Variants in CES5A observed in about 807,000 individuals in gnomAD.
The protein encoded by CES5A is carboxylesterase 5.
Under a neutral mutation model 62.9 loss-of-function variants are expected in CES5A, and 67 were observed. The ratio of observed to expected loss-of-function variants is 1.07; its 90% CI spans 0.88 to 1.31. The LOEUF (loss-of-function observed/expected upper bound fraction) is 1.31, where lower values mean the gene tolerates loss of function less well. CES5A is among the 50% of genes most tolerant of loss of function. The pLI, the probability that CES5A is intolerant of heterozygous loss-of-function variation, is 0.00. For synonymous variants in CES5A, 296 were observed against 280.8 expected (o/e 1.05, Z -0.54); for missense variants, 748 against 708.5 (o/e 1.06, Z -0.63).
chr16:55,906,445 C>T (rs995260478), intron 1 of CES5A, among the ~76,000 whole-genome samples: 1 of 152,180 alleles, frequency 6.6e-6, no homozygotes, highest in Admixed American at 6.5e-5. Context: ...AAAGATGTCT[C>T]CATTCAGTGA....
In CES5A at chr16:55,955,171, A is replaced by C. The variant is rs892475877; in HGVS notation, c.42+673T>G. Among the ~76,000 whole-genome samples, 10 of 152,288 alleles carry C rather than the reference A, an allele frequency of 6.6e-5. No homozygotes were observed. The East Asian group carries it at 1.7e-3, about 27-fold the overall frequency. On this transcript the variant is annotated intron_variant, in intron 1 of 13. Transcript: ENST00000521992. ...ACACCAAAGAAATCAGAACATGAGA[A>C]CCGCAAGAGGCTACCAAAGTCACTT...
intron 1 of CES5A, among the ~76,000 whole-genome samples, chr16:55,951,961 T>C (rs1002438054): frequency 6.6e-6 from 1 of 152,124 alleles, no homozygotes; most frequent in Non-Finnish European, 1.5e-5. Flanking sequence ...TGTGATCTAA[T>C]AGACATAGAT....
intron 1 of CES5A, among the ~76,000 whole-genome samples, chr16:55,884,734 G>A (rs1490504915): frequency 6.6e-6 from 1 of 152,106 alleles, no homozygotes; most frequent in Non-Finnish European, 1.5e-5. Flanking sequence ...TTTGACTACA[G>A]GCATGTGCTA....
rs1555479324 is a variant in CES5A at position 55,854,531 on chromosome 16, C to CTTTTTTTTTTCTTTTTTTTTTTTT, written c.1126-1504_1126-1503insAAAAAAAAAAAAAGAAAAAAAAAA. Among the ~76,000 whole-genome samples the CTTTTTTTTTTCTTTTTTTTTTTTT allele has an allele frequency of 2.4e-3, 124 of 52,100 alleles. 5 individuals are homozygous for CTTTTTTTTTTCTTTTTTTTTTTTT. The highest frequency in any genetic ancestry group is 0.014 in the East Asian group (22 of 1,598). The allele number at this position is 52,100 out of a possible 152,430, so 34.2% of individuals were successfully genotyped here. A position where few individuals can be genotyped will look rare whatever the true frequency, so the allele number is the denominator to read the frequency against. On this transcript the variant is annotated intron_variant, in intron 9 of 12. Coordinates refer to ENST00000290567, the MANE Select transcript of CES5A (RefSeq NM_001143685.2). ...TGAGGGATATCTGCCTGTAGTGTTTCTTTTTTTTTTTTCTTTTTTTTTTTT... is the reference window on the plus strand; with the variant it reads ...TGAGGGATATCTGCCTGTAGTGTTTCTTTTTTTTTTCTTTTTTTTTTTTTTTTTTTTTTTTTCTTTTTTTTTTTT...
rs1440495150 is a variant in CES5A, at chr16:55,938,797, T to TATATATATAC, written c.160+10987_160+10988insGTATATATAT. The stretch of plus-strand genomic sequence containing the variant: ...ATATATATATATATATATATATATA[T>TATATATATAC]ACACACATATATATATATACACACA... On this transcript the variant is annotated intron_variant, in intron 2 of 13. Transcript: ENST00000521992. 1.8e-4 allele frequency among the ~76,000 whole-genome samples: 9 copies of TATATATATAC among 51,080 alleles called. No homozygotes were observed. The East Asian group carries it at 1.9e-3, about 11-fold the overall frequency. 33.5% of individuals were successfully genotyped at this position (51,080 alleles called of 152,430 possible). A position where few individuals can be genotyped will look rare whatever the true frequency, so the allele number is the denominator to read the frequency against.
chr16:55,901,218 G>A (rs1446638924), intron 1 of CES5A, among the ~76,000 whole-genome samples: 2 of 152,178 alleles, frequency 1.3e-5, no homozygotes, highest in African/African-American at 2.4e-5. Context: ...CTCACCTGCT[G>A]CCATGTAAGA....
intron 1 of CES5A, among the ~76,000 whole-genome samples, chr16:55,903,821 A>G (rs963349226): frequency 4.6e-5 from 7 of 152,184 alleles, no homozygotes; most frequent in African/African-American, 1.7e-4. Flanking sequence ...AAAGCCATCA[A>G]AGAAATTGTC....
intron 1 of CES5A, among the ~76,000 whole-genome samples, chr16:55,897,764 T>C (rs183597963): frequency 6.6e-6 from 1 of 152,312 alleles, no homozygotes; most frequent in Non-Finnish European, 1.5e-5. Context: ...TTGCCATCCA[T>C]AACACATTAT....
rs11860488 is a variant in CES5A, at chr16:55,846,622, G to C, written c.1557C>G (p.Leu519=). 0.25 allele frequency: 400,707 copies of C among 1,613,686 alleles called. 52,499 individuals are homozygous for C. The highest frequency in any genetic ancestry group is 0.44 in the African/African-American group (32,757 of 74,912). Residue 519 remains leucine (L), a synonymous_variant, in exon 13 of 13, where the codon CTC becomes CTG. Coordinates refer to ENST00000290567, the MANE Select transcript of CES5A (RefSeq NM_001143685.2). ...WPAYNLTEQY[L]QLDLNMSLGQ... ...CGAGGCTCATGTTCAAGTCCAGCTG[G>C]AGGTACTGCTCAGTCAGATTATAAG...
At chr16:55,920,064 A>G (rs1207790361) in intron 1 of CES5A, among the ~76,000 whole-genome samples, 1 of 152,174 alleles carries the variant, frequency 6.6e-6, no homozygotes, top group Non-Finnish European at 1.5e-5. Flanking sequence ...AAAAACAAAT[A>G]TAAGTGCCAA....
chr16:55,932,112 A>G (rs1188408342), intron 2 of CES5A, among the ~76,000 whole-genome samples: 1 of 152,138 alleles, frequency 6.6e-6, no homozygotes, highest in African/African-American at 2.4e-5. Flanking sequence ...GTCTATTATA[A>G]AAGCCAGTTT....
intron 1 of CES5A, among the ~76,000 whole-genome samples, chr16:55,884,873 G>C (rs920053995): frequency 1.3e-5 from 2 of 152,036 alleles, no homozygotes; most frequent in Non-Finnish European, 2.9e-5. Flanking sequence ...ATTACAGGAG[G>C]GAGCCACTGT....
At chr16:55,938,795 T>TATATAC (rs1555487391) in intron 2 of CES5A, among the ~76,000 whole-genome samples, 2 of 56,406 alleles carry the variant, frequency 3.5e-5, no homozygotes, top group African/African-American at 1.7e-4. Flanking sequence ...TATATATATA[T>TATATAC]ATACACACAT....
intron 4 of CES5A, among the ~76,000 whole-genome samples, chr16:55,868,343 C>A (rs1205606895): frequency 2.6e-5 from 4 of 152,250 alleles, no homozygotes; most frequent in Non-Finnish European, 5.9e-5. Context: ...GTGCAGTCTG[C>A]AAAAGTATTG....
upstream of CES5A, among the ~76,000 whole-genome samples, chr16:55,878,892 C>G (rs2033729426): frequency 6.8e-6 from 1 of 147,238 alleles, no homozygotes; most frequent in Admixed American, 6.7e-5. Flanking sequence ...CACCATTTAA[C>G]CACCATCACT....
At chr16:55,874,483 T>C (rs1370016561) in intron 1 of CES5A, among the ~76,000 whole-genome samples, 1 of 152,002 alleles carries the variant, frequency 6.6e-6, no homozygotes, top group Non-Finnish European at 1.5e-5. Context: ...GGCTTCTTTT[T>C]TTTTTTTCTT....
Position 55,849,715 on chromosome 16 carries a change from G to T in CES5A, c.1332C>A (p.Asp444Glu), listed in dbSNP as rs181438833. ...EFRHRPQCFE[D>E]TKPAFVKADH... ...CGGCTTTGACAAAAGCTGGCTTCGT[G>T]TCTTCAAAGCACTGAGGCCGGTGCC... The change falls in exon 11 of 13, where the codon GAC becomes GAA. Residue 444 changes from aspartate (D) to glutamate (E), a missense_variant. By Grantham distance (45) the Asp-to-Glu change is conservative. Coordinates refer to ENST00000290567, the MANE Select transcript of CES5A (RefSeq NM_001143685.2). The T allele has an allele frequency of 9.4e-4, 1,510 of 1,613,984 alleles. 18 individuals are homozygous for T. The Middle Eastern group carries it at 0.039, about 42-fold the overall frequency.
exon 1 of CES5A, chr16:55,955,853 A>G: frequency 6.5e-7 from 1 of 1,536,070 alleles, no homozygotes; most frequent in Non-Finnish European, 8.7e-7. Context: ...CCTTTAGGCC[A>G]TGGCATGAAG....
At chr16:55,919,022 C>T (rs1331045094) in intron 1 of CES5A, among the ~76,000 whole-genome samples, 3 of 152,216 alleles carry the variant, frequency 2.0e-5, no homozygotes, top group Non-Finnish European at 4.4e-5. Flanking sequence ...AGATTTCATC[C>T]TGGAGCCTTG....
Sources: allele counts gnomAD v4.1 joint callset (sites outside exome capture counted in the v4.1 genomes callset), GRCh38; gene constraint gnomAD v4.1.1; transcripts MANE v1.5; gene names NCBI Gene and HGNC (gene_info 2026-07-23, HGNC 2026-07-21).